Variants in WNT3A observed in about 807,000 individuals in gnomAD.
WNT3A encodes the protein Wnt family member 3A, also known as protein Wnt-3a.
WNT3A carries 17 observed loss-of-function variants against 37.0 expected under a neutral mutation model. The observed-to-expected ratio is 0.46, with a 90% CI of 0.31 to 0.69. WNT3A has a LOEUF of 0.69. Among genes scored for constraint, WNT3A ranks in the 30% least tolerant of loss-of-function variants. The probability of loss-of-function intolerance (pLI) is 0.05; values close to 1 mark genes in which losing one functional copy is unlikely to be tolerated. For synonymous variants in WNT3A, 187 were observed against 211.0 expected (o/e 0.89, Z 0.99); for missense variants, 411 against 510.2 (o/e 0.81, Z 1.87).
Position 228,007,797 on chromosome 1 carries a change from G to T in WNT3A, c.71+598G>T, listed in dbSNP as rs1010856387. Among the ~76,000 whole-genome samples, 1 of 150,712 alleles carries T rather than the reference G, an allele frequency of 6.6e-6. No homozygotes were observed. The highest frequency in any genetic ancestry group is 2.4e-5 in the African/African-American group (1 of 41,112). On this transcript the variant is annotated intron_variant, in intron 1 of 3. Transcript: ENST00000284523. The surrounding 1 kb of genome is among the most constrained non-coding windows in gnomAD (Gnocchi z 6.0). ...CGCCTCCCCGCCGCAGTCCGGGCACGGGGGTTTCCAGGGGCCCTCTCTGCG... is the reference window on the plus strand; with the variant it reads ...CGCCTCCCCGCCGCAGTCCGGGCACTGGGGTTTCCAGGGGCCCTCTCTGCG...
rs1173836063 is a variant in WNT3A at position 228,037,448 on chromosome 1, G to A, written c.314-13208G>A. Among the ~76,000 whole-genome samples, 1 of 152,090 alleles carries A rather than the reference G, an allele frequency of 6.6e-6. No individual in the cohort carries two copies. Among genetic ancestry groups the A allele is most frequent in the Admixed American group, 6.5e-5 (1 of 15,282 alleles). ...CAACGTCTTCCCCAGGCAGGAGACA[G>A]CCCAGCCTCCTCTCCTCCCCGCTGA... On this transcript the variant is annotated intron_variant, in intron 2 of 3. Coordinates refer to ENST00000284523, the MANE Select transcript of WNT3A (RefSeq NM_033131.4). This position sits in a 1 kb window ranked among gnomAD's most constrained non-coding sequence, Gnocchi z 4.1.
chr1:228,013,007 T>C (rs560959315), intron 1 of WNT3A, among the ~76,000 whole-genome samples: 14 of 152,152 alleles, frequency 9.2e-5, no homozygotes, highest in Admixed American at 7.9e-4. Flanking sequence ...GCCTCCTGAG[T>C]AGCTGGGACC....
intron 2 of WNT3A, among the ~76,000 whole-genome samples, chr1:228,043,291 T>A (rs2031331224): frequency 6.6e-6 from 1 of 152,212 alleles, no homozygotes; most frequent in Non-Finnish European, 1.5e-5. Flanking sequence ...AGAATAAAAG[T>A]CTTGGGCCTG....
At chr1:228,013,345 C>T (rs2102760810) in intron 1 of WNT3A, among the ~76,000 whole-genome samples, 1 of 152,350 alleles carries the variant, frequency 6.6e-6, no homozygotes, top group African/African-American at 2.4e-5. Flanking sequence ...ATGGCCTCTT[C>T]CTTGGCCTCC....
At chr1:228,036,035 C>T (rs536787613) in intron 2 of WNT3A, among the ~76,000 whole-genome samples, 26 of 152,282 alleles carry the variant, frequency 1.7e-4, no homozygotes, top group Admixed American at 3.3e-4. Flanking sequence ...AGGAGCCCGC[C>T]GGGTGCCTCA....
chr1:228,035,055 A>C (rs2031101604), intron 2 of WNT3A, among the ~76,000 whole-genome samples: 1 of 152,156 alleles, frequency 6.6e-6, no homozygotes, highest in Non-Finnish European at 1.5e-5. Context: ...TCTGCCACAC[A>C]GCATATGCTT....
At chr1:228,046,323 G>A (rs920610035) in intron 2 of WNT3A, among the ~76,000 whole-genome samples, 3 of 152,044 alleles carry the variant, frequency 2.0e-5, no homozygotes, top group Non-Finnish European at 4.4e-5. Context: ...GTGTGTGTGT[G>A]TGTGCATCTG....
In WNT3A at chr1:228,022,275, T is replaced by C. The variant is rs188956367; in HGVS notation, c.72-392T>C. ...GAGTTTGGGACCAGCCTGGGCAACA[T>C]AGCAGGACCTTGTCTCTACAAACTG... On this transcript the variant is annotated intron_variant, in intron 1 of 3. Transcript: ENST00000284523. Among the ~76,000 whole-genome samples the C allele has an allele frequency of 2.2e-3, 334 of 152,104 alleles. 2 individuals are homozygous for C. Among genetic ancestry groups the C allele is most frequent in the African/African-American group, 7.8e-3 (325 of 41,488 alleles).
At chr1:228,027,281 G>A (rs1310422793) in intron 2 of WNT3A, among the ~76,000 whole-genome samples, 1 of 152,098 alleles carries the variant, frequency 6.6e-6, no homozygotes, top group Non-Finnish European at 1.5e-5. Flanking sequence ...TTTTCCTTTG[G>A]GTAGATACCC....
intron 2 of WNT3A, among the ~76,000 whole-genome samples, chr1:228,030,182 G>A (rs2030964567): frequency 6.6e-6 from 1 of 151,942 alleles, no homozygotes; most frequent in Admixed American, 6.5e-5. Context: ...ATCACTTGAG[G>A]TCAGGAGTTC....
intron 3 of WNT3A, among the ~76,000 whole-genome samples, chr1:228,055,179 A>AAAATATAT (rs2031655964): frequency 1.0e-4 from 2 of 19,286 alleles, no homozygotes; most frequent in African/African-American, 2.2e-4. Context: ...AAAAAAAAAA[A>AAAATATAT]ATATATATAT....
intron 1 of WNT3A, among the ~76,000 whole-genome samples, chr1:228,015,954 C>T (rs565079519): frequency 2.0e-5 from 3 of 152,232 alleles, no homozygotes; most frequent in African/African-American, 7.2e-5. Context: ...GTGGCTGCTC[C>T]GCCTGAGGCC....
At chr1:228,052,583 G>A (rs2031578182) in intron 3 of WNT3A, among the ~76,000 whole-genome samples, 1 of 152,212 alleles carries the variant, frequency 6.6e-6, no homozygotes, top group Non-Finnish European at 1.5e-5. Flanking sequence ...CGGGCGTAAG[G>A]ACCAAGTGGC....
At chr1:228,054,114 G>A (rs1446014342) in intron 3 of WNT3A, among the ~76,000 whole-genome samples, 1 of 152,152 alleles carries the variant, frequency 6.6e-6, no homozygotes, top group Non-Finnish European at 1.5e-5. Flanking sequence ...TCCTTCCTCA[G>A]TGTAGGCTGT....
At chr1:228,013,136 C>T (rs2030423342) in intron 1 of WNT3A, among the ~76,000 whole-genome samples, 1 of 152,164 alleles carries the variant, frequency 6.6e-6, no homozygotes, top group African/African-American at 2.4e-5. Flanking sequence ...TGGTCTCGAC[C>T]TCCTGGGCTC....
chr1:228,013,778 T>C (rs935804210), intron 1 of WNT3A, among the ~76,000 whole-genome samples: 14 of 152,166 alleles, frequency 9.2e-5, no homozygotes, highest in African/African-American at 3.4e-4. Flanking sequence ...TCGGGCAGTC[T>C]CAGCCTGGGC....
At chr1:228,041,848 G>A (rs1223195029) in intron 2 of WNT3A, among the ~76,000 whole-genome samples, 6 of 152,158 alleles carry the variant, frequency 3.9e-5, no homozygotes, top group Admixed American at 3.9e-4. Context: ...CCTTACCAAG[G>A]CAAGGACTCT....
chr1:228,055,212 A>ATG (rs2031660313), intron 3 of WNT3A, among the ~76,000 whole-genome samples: 2 of 122,052 alleles, frequency 1.6e-5, no homozygotes, highest in Non-Finnish European at 3.4e-5. Flanking sequence ...ATATATATAT[A>ATG]TATATATACA....
At chr1:228,023,842 C>A (rs2030791830) in intron 2 of WNT3A, among the ~76,000 whole-genome samples, 1 of 152,202 alleles carries the variant, frequency 6.6e-6, no homozygotes, top group African/African-American at 2.4e-5. Flanking sequence ...CCTTCCATAG[C>A]CCCTGGCACC....
Sources: allele counts gnomAD v4.1 joint callset (sites outside exome capture counted in the v4.1 genomes callset), GRCh38; gene constraint gnomAD v4.1.1; non-coding constraint Gnocchi (gnomAD v3.1); transcripts MANE v1.5; gene names NCBI Gene and HGNC (gene_info 2026-07-23, HGNC 2026-07-21).